Variants in LRBA observed in about 807,000 individuals in gnomAD.
The protein encoded by LRBA is LPS responsive beige-like anchor protein.
In LRBA, 176 loss-of-function variants were observed where a neutral mutation model predicts 330.0. The observed-to-expected ratio is 0.53, with a 90% CI of 0.47 to 0.60. LRBA has a LOEUF of 0.60. Ranked by LOEUF, LRBA falls within the 20% of genes least tolerant of loss-of-function variation. LRBA has a pLI of 0.00. For missense variants in LRBA, 3,259 were observed against 3,444.8 expected (o/e 0.95, Z 1.35); for synonymous variants, 1,230 against 1,193.0 (o/e 1.03, Z -0.64).
rs143810907 is a variant in LRBA at position 150,685,725 on chromosome 4, G to A, written c.5755-2008C>T. Among the ~76,000 whole-genome samples, 96 of 151,764 alleles carry A rather than the reference G, an allele frequency of 6.3e-4. 2 individuals carry two copies. In the East Asian group the frequency reaches 0.016, roughly 26 times the overall value. The stretch of plus-strand genomic sequence containing the variant: ...GCTGCGATTACAGGCGTGAGCCACC[G>A]CGCCTGGCCAAGAATCAAATATCTT... On this transcript the variant is annotated intron_variant, in intron 36 of 56. Transcript: ENST00000651943.
intron 44 of LRBA, among the ~76,000 whole-genome samples, chr4:150,453,948 C>G (rs1291695798): frequency 6.6e-6 from 1 of 151,948 alleles, no homozygotes; most frequent in Non-Finnish European, 1.5e-5. Context: ...ATGTTTCGAT[C>G]AAAACGATTT....
chr4:150,640,231 C>A (rs1423366563), intron 37 of LRBA, among the ~76,000 whole-genome samples: 1 of 152,072 alleles, frequency 6.6e-6, no homozygotes, highest in Non-Finnish European at 1.5e-5. Flanking sequence ...CTGCTTAGTA[C>A]TACACCAGTA....
At chr4:150,698,883 G>A (rs909918243) in intron 36 of LRBA, among the ~76,000 whole-genome samples, 1 of 152,146 alleles carries the variant, frequency 6.6e-6, no homozygotes, top group South Asian at 2.1e-4. Context: ...TTGAGAGTAT[G>A]ACAAGTAAAA....
intron 40 of LRBA, among the ~76,000 whole-genome samples, chr4:150,553,442 T>G (rs1328601588): frequency 6.6e-6 from 1 of 151,908 alleles, no homozygotes; most frequent in Non-Finnish European, 1.5e-5. Context: ...GTTGTGCACA[T>G]GTACCCTAGA....
intron 22 of LRBA, among the ~76,000 whole-genome samples, chr4:150,860,601 G>A (rs540858719): frequency 2.6e-5 from 4 of 152,094 alleles, no homozygotes; most frequent in Non-Finnish European, 4.4e-5. Flanking sequence ...GCTGAGGCGC[G>A]TGGATCACGA....
In LRBA at chr4:150,475,752, A is replaced by T. The variant is rs558638533; in HGVS notation, c.6552-4013T>A. Reference sequence around the variant, plus strand: ...TCTATAAAAAAAAAAAAAAATCAAAATATTAGCCAGACATGGTGGCATGTG... The same window carrying T: ...TCTATAAAAAAAAAAAAAAATCAAATTATTAGCCAGACATGGTGGCATGTG... On this transcript the variant is annotated intron_variant, in intron 42 of 56. Coordinates refer to ENST00000651943, the MANE Select transcript of LRBA (RefSeq NM_001364905.1). Among the ~76,000 whole-genome samples the T allele has an allele frequency of 1.6e-4, 25 of 151,964 alleles. No individual in the cohort carries two copies. The South Asian group carries it at 5.2e-3, about 32-fold the overall frequency.
Position 150,900,120 on chromosome 4 carries a change from A to G in LRBA, c.1853T>C (p.Met618Thr), listed in dbSNP as rs1227232335. 10 of 1,613,090 alleles carry G rather than the reference A, an allele frequency of 6.2e-6. No homozygotes were observed. Among genetic ancestry groups the G allele is most frequent in the African/African-American group, 1.3e-5 (1 of 74,902 alleles). The stretch of plus-strand genomic sequence containing the variant: ...CCAGTAGTAGTACTTCAGCGTGTGC[A>G]TGATGAGAAGCACTGTTCCAACTCT... ...IRRVGTVLLI[M>T]HTLKYYYWAV... The change falls in exon 14 of 57, where the codon ATG becomes ACG. Residue 618 changes from methionine to threonine, a missense_variant. By Grantham distance (81) the Met-to-Thr change is moderately conservative. Transcript: ENST00000651943.
rs1240378505 is a variant in LRBA, at chr4:150,849,514, T to C, written c.4066A>G (p.Asn1356Asp). ...NSSDNVIFVH[N>D]TIHLISQVMD... ...ACTTGAGAGATGAGATGAATTGTGT[T>C]GTGTACAAAGATGACATTATCACTG... The change falls in exon 25 of 57, where the codon AAC (asparagine) becomes GAC (aspartate). Residue 1356 changes from asparagine (N) to aspartate (D), a missense_variant. By Grantham distance (23) the Asn-to-Asp change is conservative. Transcript: ENST00000651943. 1.2e-6 allele frequency: 2 copies of C among 1,613,262 alleles called. No homozygotes were observed. The highest frequency in any genetic ancestry group is 2.7e-5 in the African/African-American group (2 of 74,910).
intron 27 of LRBA, 136 bp from the exon 28 acceptor site, chr4:150,844,343 T>C (rs1415097117): frequency 1.9e-6 from 1 of 530,934 alleles, no homozygotes; most frequent in Non-Finnish European, 3.2e-6. Flanking sequence ...TTTTTTTGTG[T>C]GTATGCTTCC....
At chr4:150,769,463 AG>A (rs1736260693) in intron 34 of LRBA, among the ~76,000 whole-genome samples, 1 of 152,230 alleles carries the variant, frequency 6.6e-6, no homozygotes, top group South Asian at 2.1e-4. Context: ...CACAGTCTGA[AG>A]GTCAGCAGCC....
intron 2 of LRBA, among the ~76,000 whole-genome samples, chr4:151,008,870 G>A (rs1744435183): frequency 6.7e-6 from 1 of 148,434 alleles, no homozygotes; most frequent in South Asian, 2.2e-4. Flanking sequence ...TTACTCAGGA[G>A]GCTGAGATAG....
At chr4:150,901,069 G>A (rs554436157) in intron 13 of LRBA, among the ~76,000 whole-genome samples, 2 of 152,120 alleles carry the variant, frequency 1.3e-5, no homozygotes, top group African/African-American at 4.8e-5. Flanking sequence ...AGGCTGAGGC[G>A]GGCAGATCAC....
chr4:150,310,228 C>A lies in LRBA; in HGVS notation c.7849+1G>T, dbSNP rs1295447237. On this transcript the variant is annotated splice_donor_variant, in intron 52 of 56. Coordinates refer to ENST00000651943, the MANE Select transcript of LRBA (RefSeq NM_001364905.1). LOFTEE classifies it high-confidence loss of function. The stretch of plus-strand genomic sequence containing the variant: ...TCACTGATAAAGAAAATGAAAATTA[C>A]CTGTGTCTGTAGAATAGACTCTGAA... 6.2e-7 allele frequency: 1 copy of A among 1,606,230 alleles called. No individual in the cohort carries two copies. The highest frequency in any genetic ancestry group is 1.7e-5 in the Admixed American group (1 of 59,792).
chr4:150,916,343 G>A, intron 7 of LRBA, 58 bp downstream of exon 7: 4 of 1,540,994 alleles, frequency 2.6e-6, no homozygotes, highest in Non-Finnish European at 2.6e-6. Flanking sequence ...TTAAAACAAA[G>A]CATTTTGATG....
intron 4 of LRBA, among the ~76,000 whole-genome samples, chr4:150,923,947 T>C (rs575953505): frequency 2.4e-4 from 37 of 152,324 alleles, no homozygotes; most frequent in Non-Finnish European, 5.3e-4. Context: ...AATTTTCAAT[T>C]AACCATACTG....
intron 23 of LRBA, 28 bp from the exon 24 acceptor site, chr4:150,850,930 A>T: frequency 6.5e-7 from 1 of 1,545,824 alleles, no homozygotes; most frequent in Non-Finnish European, 8.8e-7. Context: ...AAAGTAATAA[A>T]ATAGGTTCAA....
At chr4:150,811,428 A>G (rs1578860356) in intron 31 of LRBA, among the ~76,000 whole-genome samples, 1 of 22,094 alleles carries the variant, frequency 4.5e-5, no homozygotes, top group Non-Finnish European at 1.5e-3. Flanking sequence ...AGGCTTTAGG[A>G]AAAAAAAAAA....
intron 2 of LRBA, among the ~76,000 whole-genome samples, chr4:150,957,913 G>A (rs1256248392): frequency 1.3e-5 from 2 of 149,422 alleles, no homozygotes; most frequent in East Asian, 3.9e-4. Flanking sequence ...GGTTCCCACG[G>A]TCTTGGGCAG....
At chr4:150,594,778 G>C (rs1465048432) in intron 38 of LRBA, among the ~76,000 whole-genome samples, 3 of 152,084 alleles carry the variant, frequency 2.0e-5, no homozygotes, top group Admixed American at 6.5e-5. Flanking sequence ...AAGAGAGAGA[G>C]GCTGGTCCCC....
Sources: gnomAD v4.1 joint callset for allele counts (sites outside exome capture counted in the v4.1 genomes callset) on GRCh38, gnomAD v4.1.1 for gene constraint, MANE v1.5 for transcripts, NCBI Gene and HGNC (gene_info 2026-07-23, HGNC 2026-07-21) for gene names.